Variants in ADAMTSL3 observed in about 807,000 individuals in gnomAD.
ADAMTSL3 encodes ADAMTS-like protein 3.
In ADAMTSL3, 128 loss-of-function variants were observed where a neutral mutation model predicts 201.7. The observed-to-expected ratio is 0.63, with a 90% CI of 0.55 to 0.73. The LOEUF is 0.73. Ranked by LOEUF, ADAMTSL3 falls within the 30% of genes least tolerant of loss-of-function variation. The pLI, the probability that ADAMTSL3 is intolerant of heterozygous loss-of-function variation, is 0.00. For synonymous variants in ADAMTSL3, 738 were observed against 748.4 expected, an observed-to-expected ratio of 0.99 and a Z score of 0.23; for missense variants, 1,990 against 2,119.6, an observed-to-expected ratio of 0.94 and a Z score of 1.20.
At chr15:83,720,684 A>G (rs2062088055) in intron 3 of ADAMTSL3, among the ~76,000 whole-genome samples, 1 of 152,236 alleles carries the variant, frequency 6.6e-6, no homozygotes, top group Admixed American at 6.5e-5. Context: ...TATTTTAATG[A>G]CAGTAAGTAT....
At chr15:83,853,418 GT>G (rs1265019651) in intron 7 of ADAMTSL3, among the ~76,000 whole-genome samples, 1 of 152,116 alleles carries the variant, frequency 6.6e-6, no homozygotes, top group Non-Finnish European at 1.5e-5. Flanking sequence ...TTAAACAGCA[GT>G]GTTTCTAATG....
In ADAMTSL3 at chr15:83,781,284, A is replaced by G. The variant is rs545264755; in HGVS notation, c.317+7634A>G. ...TGGACACATAGACTAATGGAACAAAATAGAAAACCTAGAAATAAGGCCACA... is the reference window on the plus strand; with the variant it reads ...TGGACACATAGACTAATGGAACAAAGTAGAAAACCTAGAAATAAGGCCACA... On this transcript the variant is annotated intron_variant, in intron 4 of 29. Coordinates refer to ENST00000286744, the MANE Select transcript of ADAMTSL3 (RefSeq NM_207517.3). Among the ~76,000 whole-genome samples, 123 of 152,326 alleles carry G rather than the reference A, an allele frequency of 8.1e-4. 1 individual carries two copies. The highest frequency in any genetic ancestry group is 3.3e-3 in the Admixed American group (51 of 15,298).
At position 83,942,809 on chromosome 15, in the gene ADAMTSL3, C is replaced by T. The variant is rs766636158; in HGVS notation, c.2310+21C>T. 6 of 1,610,328 alleles carry T rather than the reference C, an allele frequency of 3.7e-6. No individual in the cohort carries two copies. In the East Asian group the frequency reaches 1.1e-4, roughly 30 times the overall value. On this transcript the variant is annotated intron_variant, in intron 18 of 29. Coordinates refer to ENST00000286744, the MANE Select transcript of ADAMTSL3 (RefSeq NM_207517.3). ...AGCAGGTAGGGCAGACTGGCCACTC[C>T]AGGGCCCTCTGTGATTATGACTGTG...
chr15:83,799,717 C>T (rs1303256974), intron 4 of ADAMTSL3, among the ~76,000 whole-genome samples: 2 of 152,048 alleles, frequency 1.3e-5, no homozygotes, highest in Non-Finnish European at 2.9e-5. Flanking sequence ...CTCTTCAATA[C>T]AGGGTGTTAC....
intron 8 of ADAMTSL3, among the ~76,000 whole-genome samples, chr15:83,859,626 A>G (rs1185530410): frequency 6.6e-6 from 1 of 152,214 alleles, no homozygotes; most frequent in Non-Finnish European, 1.5e-5. Flanking sequence ...GGCTAGCTAG[A>G]TGCCTGGAAT....
chr15:83,914,895 T>C (rs1361849011), intron 16 of ADAMTSL3, among the ~76,000 whole-genome samples: 1 of 152,174 alleles, frequency 6.6e-6, no homozygotes. Context: ...TTGTGGGTTT[T>C]TTTATGTCTT....
In ADAMTSL3 at chr15:83,826,509, A is replaced by G. The variant is rs190103013; in HGVS notation, c.600+6462A>G. ...TACAATTTTTTATTTCTTTTTTTATAGGACTTTTAAAAAAATTATACTTTA... is the reference window on the plus strand; with the variant it reads ...TACAATTTTTTATTTCTTTTTTTATGGGACTTTTAAAAAAATTATACTTTA... On this transcript the variant is annotated intron_variant, in intron 6 of 29. Coordinates refer to ENST00000286744, the MANE Select transcript of ADAMTSL3 (RefSeq NM_207517.3). Among the ~76,000 whole-genome samples the G allele has an allele frequency of 4.0e-5, 6 of 149,560 alleles. No individual in the cohort carries two copies. The East Asian group carries it at 1.2e-3, about 29-fold the overall frequency.
At chr15:83,935,590 A>G (rs1182794659) in intron 17 of ADAMTSL3, among the ~76,000 whole-genome samples, 1 of 152,152 alleles carries the variant, frequency 6.6e-6, no homozygotes, top group Non-Finnish European at 1.5e-5. Flanking sequence ...GTTAAACTTT[A>G]GAACTCTAAA....
intron 5 of ADAMTSL3, 143 bp from the exon 6 acceptor site, chr15:83,819,668 A>G (rs1323266322): frequency 3.2e-6 from 2 of 622,776 alleles, no homozygotes; most frequent in Non-Finnish European, 5.6e-6. Flanking sequence ...AATCAAAAAA[A>G]AAAAAAAAAA....
At chr15:83,962,913 G>T (rs1596471639) in intron 19 of ADAMTSL3, among the ~76,000 whole-genome samples, 1 of 152,180 alleles carries the variant, frequency 6.6e-6, no homozygotes, top group Admixed American at 6.5e-5. Flanking sequence ...AAGTGCAAGA[G>T]GTCAGGGAAC....
chr15:83,983,007 G>C lies in ADAMTSL3; in HGVS notation c.3379G>C (p.Glu1127Gln). 6.2e-7 allele frequency: 1 copy of C among 1,614,120 alleles called. No individual in the cohort carries two copies. Among genetic ancestry groups the C allele is most frequent in the Non-Finnish European group, 8.5e-7 (1 of 1,180,028 alleles). ...ASQLIYQLVA[E>Q]LAKAQPTHMQ... ...CCAGCTGATATATCAGCTGGTGGCCGAATTAGCCAAGGCACAGCCAACACA... is the reference window on the plus strand; with the variant it reads ...CCAGCTGATATATCAGCTGGTGGCCCAATTAGCCAAGGCACAGCCAACACA... The change falls in exon 21 of 30, where the codon GAA becomes CAA. Residue 1127 changes from glutamate (E) to glutamine (Q), a missense_variant. Physicochemically the swap from Glu to Gln is conservative, Grantham distance 29 (BLOSUM62 2). Coordinates refer to ENST00000286744, the MANE Select transcript of ADAMTSL3 (RefSeq NM_207517.3).
At chr15:83,688,560 T>C (rs1334023856) in intron 2 of ADAMTSL3, among the ~76,000 whole-genome samples, 1 of 152,090 alleles carries the variant, frequency 6.6e-6, no homozygotes, top group African/African-American at 2.4e-5. Flanking sequence ...AGTGAAATTA[T>C]ATTTATTTGT....
chr15:83,721,880 GC>G (rs2062106231), intron 3 of ADAMTSL3, among the ~76,000 whole-genome samples: 1 of 152,050 alleles, frequency 6.6e-6, no homozygotes, highest in Admixed American at 6.6e-5. Context: ...CTACAGGTGT[GC>G]ACCACCATGC....
chr15:83,807,217 A>G (rs12903851), intron 5 of ADAMTSL3, among the ~76,000 whole-genome samples: 22,725 of 152,238 alleles, frequency 0.15, 2,275 homozygotes, highest in Middle Eastern at 0.32. Flanking sequence ...GCACTTTGGG[A>G]GGCTGAGGCA....
intron 19 of ADAMTSL3, among the ~76,000 whole-genome samples, chr15:83,955,351 C>T (rs1321656284): frequency 1.3e-5 from 2 of 152,192 alleles, no homozygotes; most frequent in Non-Finnish European, 2.9e-5. Flanking sequence ...TCACTTAATG[C>T]CTAGGGGCTC....
intron 2 of ADAMTSL3, among the ~76,000 whole-genome samples, chr15:83,672,440 C>T (rs2061340713): frequency 6.6e-6 from 1 of 152,164 alleles, no homozygotes; most frequent in African/African-American, 2.4e-5. Flanking sequence ...GAGGCTCTTC[C>T]TGCCTGGATG....
At chr15:83,920,883 T>C (rs1273006696) in intron 16 of ADAMTSL3, among the ~76,000 whole-genome samples, 2 of 152,200 alleles carry the variant, frequency 1.3e-5, no homozygotes, top group African/African-American at 4.8e-5. Context: ...GTCCTGTTTT[T>C]GGGATTGAGG....
chr15:83,843,856 T>G (rs572606003), intron 7 of ADAMTSL3, among the ~76,000 whole-genome samples: 4 of 152,220 alleles, frequency 2.6e-5, no homozygotes, highest in African/African-American at 9.6e-5. Flanking sequence ...TATCAGAAAT[T>G]TATCCAGATA....
At chr15:83,815,509 G>T (rs1345286913) in intron 5 of ADAMTSL3, among the ~76,000 whole-genome samples, 2 of 152,328 alleles carry the variant, frequency 1.3e-5, no homozygotes, top group East Asian at 3.9e-4. Context: ...GGAAAAAAAT[G>T]CTTCTTAGGG....
Sources: allele counts gnomAD v4.1 joint callset (sites outside exome capture counted in the v4.1 genomes callset), GRCh38; gene constraint gnomAD v4.1.1; transcripts MANE v1.5; gene names NCBI Gene and HGNC (gene_info 2026-07-23, HGNC 2026-07-21).